Variants in CDC42BPA observed in about 807,000 individuals in gnomAD.
CDC42BPA encodes serine/threonine-protein kinase MRCK alpha.
CDC42BPA carries 80 observed loss-of-function variants against 223.5 expected under a neutral mutation model. The observed-to-expected ratio is 0.36, with a 90% CI of 0.30 to 0.43. The LOEUF (loss-of-function observed/expected upper bound fraction) is 0.43, where lower values mean the gene tolerates loss of function less well. CDC42BPA is among the 20% of genes least tolerant of loss of function. The probability of loss-of-function intolerance (pLI) is 1.00; values close to 1 mark genes in which losing one functional copy is unlikely to be tolerated. For synonymous variants in CDC42BPA, 694 were observed against 718.6 expected (o/e 0.97, Z 0.55); for missense variants, 1,743 against 2,099.9 (o/e 0.83, Z 3.32).
intron 2 of CDC42BPA, among the ~76,000 whole-genome samples, chr1:227,250,780 A>C (rs1031099345): frequency 5.3e-5 from 8 of 151,868 alleles, no homozygotes; most frequent in African/African-American, 1.9e-4. Context: ...GGCCAGGCAC[A>C]GTGCCTCACA....
At position 227,301,888 on chromosome 1, in the gene CDC42BPA, C is replaced by T. The variant is rs1158192814; in HGVS notation, c.178+15117G>A. Among the ~76,000 whole-genome samples, 9 of 152,044 alleles carry T rather than the reference C, an allele frequency of 5.9e-5. No individual in the cohort carries two copies. The East Asian group carries it at 1.5e-3, about 26-fold the overall frequency. ...ATATTAAGTGTTTCCATTACTATAA[C>T]CATATAAGTTATTACTTTTCCTTTC... On this transcript the variant is annotated intron_variant, in intron 1 of 36. Transcript: ENST00000366766.
intron 10 of CDC42BPA, among the ~76,000 whole-genome samples, chr1:227,133,875 C>T: frequency 6.6e-6 from 1 of 152,042 alleles, no homozygotes; most frequent in Non-Finnish European, 1.5e-5. Flanking sequence ...CCTTTGTTCA[C>T]TTGTTTATCT....
At position 227,073,977 on chromosome 1, in the gene CDC42BPA, C is replaced by T. The variant is rs1356494955; in HGVS notation, c.2622G>A (p.Leu874=). The change falls in exon 19 of 37, where the codon CTG becomes CTA. Residue 874 remains leucine (L), a synonymous_variant. Transcript: ENST00000366766. Reference sequence around the variant, plus strand: ...GCAACTCCAGTCTAGCTGACATATCCAGTTTCGCAAAACGACGCATTTTCC... The same window carrying T: ...GCAACTCCAGTCTAGCTGACATATCTAGTTTCGCAAAACGACGCATTTTCC... ...MPWKMRRFAK[L]DMSARLELQS... 1 of 1,612,304 alleles carries T rather than the reference C, an allele frequency of 6.2e-7. No individual in the cohort carries two copies. Among genetic ancestry groups the T allele is most frequent in the Non-Finnish European group, 8.5e-7 (1 of 1,179,502 alleles).
At chr1:227,048,046 G>T (rs769570288) in intron 22 of CDC42BPA, 36 bp from the exon 23 acceptor site, 1 of 1,236,810 alleles carries the variant, frequency 8.1e-7, no homozygotes, top group Non-Finnish European at 1.2e-6. Flanking sequence ...TAAATGTCAT[G>T]AAACACTCCA....
intron 14 of CDC42BPA, among the ~76,000 whole-genome samples, chr1:227,107,538 C>G (rs1686142303): frequency 6.6e-6 from 1 of 152,176 alleles, no homozygotes; most frequent in Non-Finnish European, 1.5e-5. Context: ...CCTCCTGCCT[C>G]AGCCCCCAGA....
chr1:227,182,222 T>A (rs1221076412), intron 5 of CDC42BPA, among the ~76,000 whole-genome samples: 1 of 152,178 alleles, frequency 6.6e-6, no homozygotes, highest in Non-Finnish European at 1.5e-5. Context: ...AGTGAATTCA[T>A]CTTATCCCAT....
At chr1:227,000,633 G>T (rs1662624962) in intron 35 of CDC42BPA, among the ~76,000 whole-genome samples, 1 of 152,164 alleles carries the variant, frequency 6.6e-6, no homozygotes, top group African/African-American at 2.4e-5. Context: ...AAGACAGAAG[G>T]TGTGTGCTGG....
At chr1:227,216,053 A>G (rs1674767650) in intron 2 of CDC42BPA, among the ~76,000 whole-genome samples, 1 of 152,198 alleles carries the variant, frequency 6.6e-6, no homozygotes, top group South Asian at 2.1e-4. Flanking sequence ...TTAATACGGA[A>G]AAGTTCACAG....
chr1:227,096,643 C>A (rs1313684931), intron 15 of CDC42BPA, among the ~76,000 whole-genome samples: 1 of 152,202 alleles, frequency 6.6e-6, no homozygotes, highest in Non-Finnish European at 1.5e-5. Flanking sequence ...GCTTTGACTT[C>A]AGGGATCCCA....
intron 15 of CDC42BPA, among the ~76,000 whole-genome samples, chr1:227,096,782 T>C (rs1323500366): frequency 1.3e-5 from 2 of 152,194 alleles, no homozygotes; most frequent in African/African-American, 4.8e-5. Flanking sequence ...TCTCTACACA[T>C]GCTGCCTGAG....
chr1:227,119,288 T>G (rs1688258253), intron 12 of CDC42BPA, among the ~76,000 whole-genome samples: 1 of 152,120 alleles, frequency 6.6e-6, no homozygotes, highest in African/African-American at 2.4e-5. Context: ...CAATAAATTT[T>G]TTTGATGTTT....
At chr1:227,255,111 A>G (rs1682816811) in intron 1 of CDC42BPA, among the ~76,000 whole-genome samples, 1 of 152,230 alleles carries the variant, frequency 6.6e-6, no homozygotes, top group Non-Finnish European at 1.5e-5. Context: ...TAATGATTAG[A>G]GCAATTACAT....
intron 20 of CDC42BPA, 129 bp from the exon 21 acceptor site, chr1:227,069,982 T>C: frequency 1.9e-6 from 1 of 538,952 alleles, no homozygotes; most frequent in Non-Finnish European, 3.4e-6. Flanking sequence ...TCACTATAAT[T>C]AACTCTACAT....
chr1:227,283,164 A>C (rs1467195059), intron 1 of CDC42BPA, among the ~76,000 whole-genome samples: 1 of 152,188 alleles, frequency 6.6e-6, no homozygotes, highest in African/African-American at 2.4e-5. Context: ...ACCATGACTT[A>C]AAATACACAT....
At chr1:227,047,307 A>C (rs897185780) in intron 23 of CDC42BPA, among the ~76,000 whole-genome samples, 4 of 152,026 alleles carry the variant, frequency 2.6e-5, no homozygotes, top group Non-Finnish European at 5.9e-5. Context: ...CTGGCCTTAA[A>C]ATTTTGCTTT....
intron 3 of CDC42BPA, among the ~76,000 whole-genome samples, chr1:227,206,486 C>G (rs1015431389): frequency 6.6e-6 from 1 of 152,070 alleles, no homozygotes; most frequent in Non-Finnish European, 1.5e-5. Context: ...ATAAGTTGTA[C>G]ATAAACCTCT....
chr1:227,084,189 A>C (rs1417142036), intron 16 of CDC42BPA, among the ~76,000 whole-genome samples: 3 of 152,202 alleles, frequency 2.0e-5, no homozygotes, highest in Admixed American at 1.3e-4. Flanking sequence ...GATGTAAGCT[A>C]ATCTGTCACA....
intron 17 of CDC42BPA, among the ~76,000 whole-genome samples, chr1:227,077,349 T>C (rs1026706908): frequency 1.3e-5 from 2 of 152,204 alleles, no homozygotes; most frequent in African/African-American, 4.8e-5. Flanking sequence ...AGAACACTCT[T>C]ATGTTTTAAT....
intron 21 of CDC42BPA, among the ~76,000 whole-genome samples, chr1:227,060,397 T>G: frequency 6.6e-6 from 1 of 152,260 alleles, no homozygotes; most frequent in African/African-American, 2.4e-5. Context: ...TGTTGTGAGC[T>G]CACAATACGT....
Sources: gnomAD v4.1 joint callset for allele counts (sites outside exome capture counted in the v4.1 genomes callset) on GRCh38, gnomAD v4.1.1 for gene constraint, MANE v1.5 for transcripts, NCBI Gene and HGNC (gene_info 2026-07-23, HGNC 2026-07-21) for gene names.